ENOX1: variants seen among roughly 807,000 people sequenced by gnomAD.
The protein encoded by ENOX1 is candidate growth-related and time keeping constitutive hydroquinone (NADH) oxidase.
Under a neutral mutation model 82.5 loss-of-function variants are expected in ENOX1, and 42 were observed. The observed-to-expected ratio is 0.51, with a 90% CI of 0.40 to 0.66. The LOEUF is 0.66. Among genes scored for constraint, ENOX1 ranks in the 30% least tolerant of loss-of-function variants. The pLI is 0.00. For synonymous variants in ENOX1, 271 were observed against 282.2 expected (o/e 0.96, Z 0.40); for missense variants, 608 against 811.6 (o/e 0.75, Z 3.05).
At chr13:43,219,639 A>C (rs566051132) in intron 16 of ENOX1, among the ~76,000 whole-genome samples, 1 of 152,250 alleles carries the variant, frequency 6.6e-6, no homozygotes. Flanking sequence ...GTAACTAAGG[A>C]GCTTGTGTGC....
At chr13:43,249,071 C>A (rs1593525147) in intron 14 of ENOX1, among the ~76,000 whole-genome samples, 1 of 152,180 alleles carries the variant, frequency 6.6e-6, no homozygotes, top group South Asian at 2.1e-4. Context: ...CAGTTCACAC[C>A]ATGCTTAAAT....
intron 5 of ENOX1, among the ~76,000 whole-genome samples, chr13:43,393,929 G>A (rs1028943637): frequency 6.6e-6 from 1 of 152,126 alleles, no homozygotes; most frequent in African/African-American, 2.4e-5. Flanking sequence ...AGTTCTCACT[G>A]TTATTCACAG....
chr13:43,587,280 C>T (rs1004142901), intron 2 of ENOX1, among the ~76,000 whole-genome samples: 4 of 152,160 alleles, frequency 2.6e-5, no homozygotes, highest in African/African-American at 9.7e-5. Context: ...TTTCAATTTT[C>T]AGCATAGATA....
intron 14 of ENOX1, among the ~76,000 whole-genome samples, chr13:43,247,843 A>G (rs1429446382): frequency 6.7e-3 from 8 of 1,196 alleles, no homozygotes; most frequent in African/African-American, 0.025. Context: ...ATATATATAT[A>G]TATATATATA....
intron 1 of ENOX1, among the ~76,000 whole-genome samples, chr13:43,778,240 A>C (rs1952040216): frequency 6.6e-6 from 1 of 152,246 alleles, no homozygotes; most frequent in Non-Finnish European, 1.5e-5. Flanking sequence ...AACAAGCTTC[A>C]ACCTCTTCAT....
At position 43,412,893 on chromosome 13, in the gene ENOX1, C is replaced by T; in HGVS notation, c.22G>A (p.Glu8Lys). 6.2e-7 allele frequency: 1 copy of T among 1,614,086 alleles called. No homozygotes were observed. Among genetic ancestry groups the T allele is most frequent in the Non-Finnish European group, 8.5e-7 (1 of 1,180,010 alleles). ...TCCTGGGGAAGCTGGGTGATGTTCT[C>T]AACTCCACCTGCATCTACCATTGAA... MVDAGGV[E>K]NITQLPQELP... The change falls in exon 4 of 17, where the codon GAG becomes AAG. Residue 8 changes from glutamate to lysine, a missense_variant. Glu to Lys is a moderately conservative substitution (Grantham distance 56, BLOSUM62 1). Transcript: ENST00000690772.
chr13:43,611,325 A>G lies in ENOX1; in HGVS notation c.-219+56154T>C, dbSNP rs576360241. ...TATAAAGAACAATCCTTTGGTGTAC[A>G]TATTTAAATGTTAAATATATACTGA... On this transcript the variant is annotated intron_variant, in intron 2 of 16. Transcript: ENST00000690772. 2.6e-5 allele frequency among the ~76,000 whole-genome samples: 4 copies of G among 152,346 alleles called. No individual in the cohort carries two copies. The East Asian group carries it at 7.7e-4, about 29-fold the overall frequency.
At chr13:43,241,361 G>A (rs773307957) in intron 14 of ENOX1, among the ~76,000 whole-genome samples, 13 of 152,190 alleles carry the variant, frequency 8.5e-5, no homozygotes, top group Non-Finnish European at 1.9e-4. Flanking sequence ...CAGAAAAGAG[G>A]TTCCAGATGC....
rs192016012 is a variant in ENOX1, at chr13:43,626,663, C to T, written c.-219+40816G>A. Among the ~76,000 whole-genome samples, 94 of 151,934 alleles carry T rather than the reference C, an allele frequency of 6.2e-4. 1 individual carries two copies. Among genetic ancestry groups the T allele is most frequent in the African/African-American group, 1.7e-3 (69 of 41,528 alleles). ...TTTGGATCAGAGAACATACTCTATA[C>T]GGTTTCAATGGCCTTATATTAAGGG... On this transcript the variant is annotated intron_variant, in intron 2 of 16. Transcript: ENST00000690772.
At chr13:43,214,190 G>A (rs1011584410) in intron 16 of ENOX1, 69 bp from the exon 17 acceptor site, 7 of 1,529,786 alleles carry the variant, frequency 4.6e-6, no homozygotes, top group Admixed American at 3.5e-5. Context: ...GATTGGGGAA[G>A]GATGAGCTTT....
intron 3 of ENOX1, among the ~76,000 whole-genome samples, chr13:43,466,086 T>C (rs559093780): frequency 1.3e-5 from 2 of 152,304 alleles, no homozygotes; most frequent in South Asian, 2.1e-4. Context: ...TAAAGGAATG[T>C]GGGTAGAAGT....
chr13:43,277,209 C>T (rs74064110), intron 12 of ENOX1, among the ~76,000 whole-genome samples: 1,569 of 152,316 alleles, frequency 0.01, 27 homozygotes, highest in African/African-American at 0.035. Flanking sequence ...GGCCTTTAAT[C>T]TCGTCAATAT....
chr13:43,717,109 G>C (rs1223337415), intron 1 of ENOX1, among the ~76,000 whole-genome samples: 1 of 152,086 alleles, frequency 6.6e-6, no homozygotes, highest in Non-Finnish European at 1.5e-5. Flanking sequence ...AAAGAACAAA[G>C]CCAGAGGCAT....
chr13:43,292,059 C>T (rs912990909), intron 12 of ENOX1, among the ~76,000 whole-genome samples: 3 of 152,116 alleles, frequency 2.0e-5, no homozygotes, highest in Non-Finnish European at 4.4e-5. Context: ...GACTGCCAGC[C>T]ATCACCTTGC....
At position 43,470,378 on chromosome 13, in the gene ENOX1, A is replaced by T. The variant is rs796697088; in HGVS notation, c.-75+13631T>A. Among the ~76,000 whole-genome samples, 2 of 35,724 alleles carry T rather than the reference A, an allele frequency of 5.6e-5. 1 individual carries two copies. The highest frequency in any genetic ancestry group is 1.7e-4 in the African/African-American group (2 of 11,970). The allele number at this position is 35,724 out of a possible 152,430, so 23.4% of individuals were successfully genotyped here. A position where few individuals can be genotyped will look rare whatever the true frequency, so the allele number is the denominator to read the frequency against. ...TGTATATATATACGTATATATATAC[A>T]TATATATACGTATATATATGTGTAT... On this transcript the variant is annotated intron_variant, in intron 3 of 16. Coordinates refer to ENST00000690772, the MANE Select transcript of ENOX1 (RefSeq NM_001347969.2).
At chr13:43,314,887 A>G (rs2047394371) in intron 11 of ENOX1, among the ~76,000 whole-genome samples, 1 of 152,246 alleles carries the variant, frequency 6.6e-6, no homozygotes, top group African/African-American at 2.4e-5. Context: ...ACCACCTCAA[A>G]GATTTTAGCT....
At chr13:43,555,130 A>G (rs1316105209) in intron 2 of ENOX1, among the ~76,000 whole-genome samples, 13 of 152,376 alleles carry the variant, frequency 8.5e-5, no homozygotes, top group South Asian at 2.1e-4. Flanking sequence ...AAAATTGGGA[A>G]CAACTTGCAA....
chr13:43,619,386 C>T (rs754256697), intron 2 of ENOX1, among the ~76,000 whole-genome samples: 3 of 151,984 alleles, frequency 2.0e-5, no homozygotes, highest in Non-Finnish European at 4.4e-5. Flanking sequence ...GCTGTGGGTA[C>T]GTCTTAGATG....
chr13:43,659,043 T>C (rs991157311), intron 2 of ENOX1, among the ~76,000 whole-genome samples: 2 of 152,188 alleles, frequency 1.3e-5, no homozygotes, highest in African/African-American at 4.8e-5. Context: ...CTTCTTATTT[T>C]TTCTACGTTA....
Sources: gnomAD v4.1 joint callset for allele counts (sites outside exome capture counted in the v4.1 genomes callset) on GRCh38, gnomAD v4.1.1 for gene constraint, MANE v1.5 for transcripts, NCBI Gene and HGNC (gene_info 2026-07-23, HGNC 2026-07-21) for gene names.